Variants in MAP4K1 observed in about 807,000 individuals in gnomAD.
The protein encoded by MAP4K1 is MAPK/ERK kinase kinase kinase 1.
MAP4K1 carries 35 observed loss-of-function variants against 122.8 expected under a neutral mutation model. The ratio of observed to expected loss-of-function variants is 0.29; its 90% CI spans 0.22 to 0.38. The LOEUF is 0.38. Among genes scored for constraint, MAP4K1 ranks in the 10% least tolerant of loss-of-function variants. The pLI is 1.00. For synonymous variants in MAP4K1, 412 were observed against 421.3 expected (o/e 0.98, Z 0.27); for missense variants, 791 against 1,072.6 (o/e 0.74, Z 3.67).
At chr19:38,612,172 C>T (rs1439908286) in intron 9 of MAP4K1, among the ~76,000 whole-genome samples, 1 of 151,962 alleles carries the variant, frequency 6.6e-6, no homozygotes, top group Non-Finnish European at 1.5e-5. Context: ...GTAATCCCAG[C>T]ACCTCCGGAA....
intron 26 of MAP4K1, 38 bp downstream of exon 26, chr19:38,596,274 G>T: frequency 6.6e-7 from 1 of 1,507,980 alleles, no homozygotes. Flanking sequence ...CTCCGGATCT[G>T]ATAAGCCCCG....
chr19:38,600,117 A>T lies in MAP4K1; in HGVS notation c.1568T>A (p.Phe523Tyr), dbSNP rs1316519884. ...CTCCTGGTCATTCCGGTTCAGGATG[A>T]AGATGCCTTCCTCTGCCCCCAGGAG... ...HLLLGAEEGIFILNRNDQEAT... is the reference protein window; with the variant it reads ...HLLLGAEEGIYILNRNDQEAT... Residue 523 changes from phenylalanine (F) to tyrosine (Y), a missense_variant, in exon 21 of 31, where the codon TTC (phenylalanine) becomes TAC (tyrosine). By Grantham distance (22) the Phe-to-Tyr change is conservative (BLOSUM62 3). Transcript: ENST00000396857. 6.2e-7 allele frequency: 1 copy of T among 1,613,994 alleles called. No homozygotes were observed. The highest frequency in any genetic ancestry group is 2.2e-5 in the East Asian group (1 of 44,892).
In MAP4K1 at chr19:38,602,922, AC is replaced by A. The variant is rs200089670; in HGVS notation, c.1447-1398del. Among the ~76,000 whole-genome samples, 294 of 148,900 alleles carry A rather than the reference AC, an allele frequency of 2.0e-3. 5 individuals carry two copies. The highest frequency in any genetic ancestry group is 8.1e-3 in the Middle Eastern group (1 of 124). On this transcript the variant is annotated intron_variant, in intron 19 of 30. Transcript: ENST00000396857. ...CATATATACACACATGTACACATAT[AC>A]GCATATACATATATACACATACATA... is the stretch of plus-strand genomic sequence containing the variant.
In MAP4K1 at chr19:38,597,436, C is replaced by CA. The variant is rs1216837276; in HGVS notation, c.1778+49dup. On this transcript the variant is annotated intron_variant, in intron 23 of 30. Transcript: ENST00000396857. This position sits in a 1 kb window ranked among gnomAD's most constrained non-coding sequence, Gnocchi z 4.6. ...GGTAGGACAGCAGGAGGCAGAGGGGCATGGGAGGAATTATAAGGCTGTGTG... is the reference window on the plus strand; with the variant it reads ...GGTAGGACAGCAGGAGGCAGAGGGGCAATGGGAGGAATTATAAGGCTGTGTG... 1 of 1,612,658 alleles carries CA rather than the reference C, an allele frequency of 6.2e-7. No homozygotes were observed. The highest frequency in any genetic ancestry group is 1.1e-5 in the South Asian group (1 of 91,060).
intron 20 of MAP4K1, 158 bp downstream of exon 20, chr19:38,601,283 T>G: frequency 1.6e-6 from 1 of 619,734 alleles, no homozygotes; most frequent in Non-Finnish European, 2.8e-6. Flanking sequence ...AAATCCTGAG[T>G]GTAAGGACAA....
chr19:38,617,204 C>A lies in MAP4K1; in HGVS notation c.248+150G>T. 1 of 628,652 alleles carries A rather than the reference C, an allele frequency of 1.6e-6. No individual in the cohort carries two copies. The highest frequency in any genetic ancestry group is 1.9e-5 in the South Asian group (1 of 52,880). The allele number at this position is 628,652 out of a possible 1,614,324, so 38.9% of individuals were successfully genotyped here. On this transcript the variant is annotated intron_variant, in intron 3 of 30. Transcript: ENST00000396857. This position sits in a 1 kb window ranked among gnomAD's most constrained non-coding sequence, Gnocchi z 4.1. The stretch of plus-strand genomic sequence containing the variant: ...AGGTTGCAGTGAGCTGAGATCATGC[C>A]ACTGCACTCCAGCCTGGCAACAGAA...
chr19:38,605,157 C>T (rs1035401636), intron 19 of MAP4K1, among the ~76,000 whole-genome samples: 2 of 151,738 alleles, frequency 1.3e-5, no homozygotes, highest in Non-Finnish European at 2.9e-5. Context: ...TTTATATGAC[C>T]TTGGGTAAGC....
chr19:38,607,475 G>A (rs182122209), intron 16 of MAP4K1, among the ~76,000 whole-genome samples: 9 of 149,706 alleles, frequency 6.0e-5, no homozygotes, highest in Non-Finnish European at 1.3e-4. Flanking sequence ...CAGGAGAATC[G>A]CTTGAACCCG....
Position 38,595,968 on chromosome 19 carries a change from T to G in MAP4K1, c.2150A>C (p.Glu717Ala), listed in dbSNP as rs1222750540. Residue 717 changes from glutamate (E) to alanine (A), a missense_variant, in exon 27 of 31, where the codon GAG becomes GCG. Transcript: ENST00000396857. ...HRGPVQVTQVEEDMVMVLMDG... is the reference protein window; with the variant it reads ...HRGPVQVTQVAEDMVMVLMDG... ...CATCAACACCATCACCATATCTTCC[T>G]CTACCTGGGTCACCTGCACGGGTCC... The G allele has an allele frequency of 6.2e-7, 1 of 1,614,002 alleles. No individual in the cohort carries two copies. The highest frequency in any genetic ancestry group is 1.1e-5 in the South Asian group (1 of 91,066).
chr19:38,614,155 C>T (rs1975579956), intron 6 of MAP4K1, 70 bp from the exon 7 acceptor site: 9 of 1,610,428 alleles, frequency 5.6e-6, no homozygotes, highest in Non-Finnish European at 7.6e-6. Context: ...ACTCCGCCAG[C>T]TCAAACTACC....
intron 19 of MAP4K1, among the ~76,000 whole-genome samples, chr19:38,603,531 G>T (rs755250825): frequency 9.2e-5 from 14 of 151,948 alleles, no homozygotes; most frequent in Non-Finnish European, 1.8e-4. Flanking sequence ...AGTGCTGGAG[G>T]TATAAATTAT....
At chr19:38,606,812 G>A (rs1975342396) in intron 16 of MAP4K1, among the ~76,000 whole-genome samples, 1 of 152,254 alleles carries the variant, frequency 6.6e-6, no homozygotes, top group African/African-American at 2.4e-5. Context: ...TAACACAGGT[G>A]ACATCAGCGC....
chr19:38,591,265 A>AG (rs1482054122), intron 30 of MAP4K1, among the ~76,000 whole-genome samples: 1 of 152,130 alleles, frequency 6.6e-6, no homozygotes, highest in Non-Finnish European at 1.5e-5. Flanking sequence ...ACAGTGGCTC[A>AG]CGCCTGTAAT....
chr19:38,606,315 G>C lies in MAP4K1; in HGVS notation c.1158-100C>G, dbSNP rs1975328510. On this transcript the variant is annotated intron_variant, in intron 16 of 30. Transcript: ENST00000396857. ...CTGGAGGCCCGGGACTGGGGTCTGA[G>C]GTGAGGAGGATTAAGGGATGACTGG... The C allele has an allele frequency of 6.4e-6, 4 of 622,818 alleles. 1 individual carries two copies. The highest frequency in any genetic ancestry group is 1.2e-5 in the Non-Finnish European group (4 of 347,156). 38.6% of individuals were successfully genotyped at this position (622,818 alleles called of 1,614,324 possible).
intron 4 of MAP4K1, among the ~76,000 whole-genome samples, chr19:38,615,914 T>C (rs1321745201): frequency 6.7e-6 from 1 of 149,298 alleles, no homozygotes; most frequent in Non-Finnish European, 1.5e-5. Context: ...CCACCTCGGC[T>C]TCCCAAAGTG....
intron 22 of MAP4K1, among the ~76,000 whole-genome samples, chr19:38,598,485 C>T (rs1281704984): frequency 6.6e-6 from 1 of 152,030 alleles, no homozygotes; most frequent in East Asian, 1.9e-4. Flanking sequence ...TGTGCCACCA[C>T]ACCCAGCTAA....
At position 38,607,819 on chromosome 19, in the gene MAP4K1, G is replaced by A. The variant is rs775931323; in HGVS notation, c.1157+45C>T. 3 of 1,599,374 alleles carry A rather than the reference G, an allele frequency of 1.9e-6. No individual in the cohort carries two copies. In the African/African-American group the frequency reaches 4.0e-5, roughly 21 times the overall value. On this transcript the variant is annotated intron_variant, in intron 16 of 30. Coordinates refer to ENST00000396857, the MANE Select transcript of MAP4K1 (RefSeq NM_001042600.3). ...ACATCAGGGGATTGTAGGAAGGTGG[G>A]GGCTGAGGTGGGGCCTGTGGAGCTG...
intron 13 of MAP4K1, 63 bp downstream of exon 13, chr19:38,609,533 A>AAGGTGGTCTCTTAGGACTATTATAGGGTC: frequency 7.0e-7 from 1 of 1,424,568 alleles, no homozygotes. Flanking sequence ...ATGGTAGGGG[A>AAGGTGGTCTCTTAGGACTATTATAGGGTC]AGGTGGTCTC....
At chr19:38,589,714 C>A (rs967688691) in intron 30 of MAP4K1, among the ~76,000 whole-genome samples, 2 of 152,100 alleles carry the variant, frequency 1.3e-5, no homozygotes, top group Non-Finnish European at 2.9e-5. Flanking sequence ...CGCGCCCGAC[C>A]GGTGGGATAC....
Sources: allele counts gnomAD v4.1 joint callset (sites outside exome capture counted in the v4.1 genomes callset), GRCh38; gene constraint gnomAD v4.1.1; non-coding constraint Gnocchi (gnomAD v3.1); transcripts MANE v1.5; gene names NCBI Gene and HGNC (gene_info 2026-07-23, HGNC 2026-07-21).